Variants in MRNIP observed in about 807,000 individuals in gnomAD.
The protein encoded by MRNIP is MRN complex interacting protein.
A neutral mutation model predicts 29.8 loss-of-function variants in MRNIP; 30 were observed. The observed-to-expected ratio is 1.01, with a 90% CI of 0.75 to 1.36. The LOEUF (loss-of-function observed/expected upper bound fraction) is 1.36, where lower values mean the gene tolerates loss of function less well. Ranked by LOEUF, MRNIP falls within the 40% of genes most tolerant of loss-of-function variation. The pLI, the probability that MRNIP is intolerant of heterozygous loss-of-function variation, is 0.00. For missense variants in MRNIP, 459 were observed against 423.5 expected, an observed-to-expected ratio of 1.08 and a Z score of -0.74; for synonymous variants, 201 against 164.1, an observed-to-expected ratio of 1.23 and a Z score of -1.72.
intron 6 of MRNIP, 30 bp downstream of exon 6, chr5:179,840,842 G>C (rs1561614821): frequency 6.8e-7 from 1 of 1,474,860 alleles, no homozygotes; most frequent in Non-Finnish European, 9.4e-7. Flanking sequence ...AGTGGTCACT[G>C]GGACCAGAGA....
intron 1 of MRNIP, among the ~76,000 whole-genome samples, chr5:179,855,915 T>G (rs1347486319): frequency 4.0e-5 from 6 of 148,556 alleles, no homozygotes; most frequent in Non-Finnish European, 5.9e-5. Flanking sequence ...TTGTTTTTTT[T>G]TTTTTTTTTT....
intron 5 of MRNIP, 171 bp from the exon 6 acceptor site, chr5:179,841,130 A>G (rs1475024944): frequency 1.7e-6 from 1 of 585,212 alleles, no homozygotes; most frequent in East Asian, 2.9e-5. Context: ...CCCCTGCTTC[A>G]CAGCTTCTAG....
Position 179,851,975 on chromosome 5 carries a change from T to TA in MRNIP, c.126+1402dup, listed in dbSNP as rs201376545. On this transcript the variant is annotated intron_variant, in intron 2 of 6. Coordinates refer to ENST00000292586, the MANE Select transcript of MRNIP (RefSeq NM_016175.4). Reference sequence around the variant, plus strand: ...CTGAGTGACAGAGCGAGACTCCGTCTAAAAAAAAATAAAAAAATAAAAAAT... The same window carrying TA: ...CTGAGTGACAGAGCGAGACTCCGTCTAAAAAAAAAATAAAAAAATAAAAAAT... Among the ~76,000 whole-genome samples the TA allele has an allele frequency of 4.0e-5, 6 of 149,592 alleles. No homozygotes were observed. The East Asian group carries it at 7.9e-4, about 20-fold the overall frequency.
chr5:179,853,378 C>T lies in MRNIP; in HGVS notation c.126G>A (p.Gln42=). 6.2e-7 allele frequency: 1 copy of T among 1,613,110 alleles called. No individual in the cohort carries two copies. Among genetic ancestry groups the T allele is most frequent in the South Asian group, 1.1e-5 (1 of 91,082 alleles). ...TTGCTTTCTGTTTTGTAGGACTCACCTGCAAAAAGGACTGCTTCTCTCCAC... is the reference window on the plus strand; with the variant it reads ...TTGCTTTCTGTTTTGTAGGACTCACTTGCAAAAAGGACTGCTTCTCTCCAC... The part of the protein sequence containing the change: ...KACGEKQSFL[Q]AYGEGSGADC... The change falls in exon 2 of 7, where the codon CAG becomes CAA. Residue 42 remains glutamine, a splice_region_variant and synonymous_variant. Coordinates refer to ENST00000292586, the MANE Select transcript of MRNIP (RefSeq NM_016175.4).
chr5:179,849,764 G>A (rs138514155), intron 2 of MRNIP, among the ~76,000 whole-genome samples: 1 of 145,986 alleles, frequency 6.8e-6, no homozygotes, highest in Non-Finnish European at 1.5e-5. Context: ...GAATTTGAGA[G>A]CATGGATCCT....
At chr5:179,858,025 A>G (rs966512202) in intron 1 of MRNIP, among the ~76,000 whole-genome samples, 6 of 143,282 alleles carry the variant, frequency 4.2e-5, no homozygotes, top group Middle Eastern at 3.2e-3. Flanking sequence ...AAAAAAAAAA[A>G]AAGAAGAAGA....
At chr5:179,850,003 G>A (rs149495066) in intron 2 of MRNIP, among the ~76,000 whole-genome samples, 50 of 151,422 alleles carry the variant, frequency 3.3e-4, no homozygotes, top group Non-Finnish European at 6.2e-4. Context: ...GGTACGAGAC[G>A]GAATTTGAGG....
At chr5:179,855,842 T>C (rs764946628) in intron 1 of MRNIP, among the ~76,000 whole-genome samples, 42 of 152,046 alleles carry the variant, frequency 2.8e-4, no homozygotes, top group Non-Finnish European at 4.0e-4. Context: ...ACTTCTCAGC[T>C]TCTACCTTAA....
intron 1 of MRNIP, among the ~76,000 whole-genome samples, chr5:179,856,572 C>T (rs1204735879): frequency 2.0e-5 from 3 of 152,044 alleles, no homozygotes; most frequent in African/African-American, 7.2e-5. Flanking sequence ...TGGACTGAAG[C>T]GATTCTCCTG....
In MRNIP at chr5:179,837,400, A is replaced by C. The variant is rs754632178; in HGVS notation, c.1023T>G (p.Asp341Glu). The change falls in exon 7 of 7, where the codon GAT (aspartate) becomes GAG (glutamate). Residue 341 changes from aspartate to glutamate, a missense_variant. By Grantham distance (45) the Asp-to-Glu change is conservative. Transcript: ENST00000292586. ...DLFITGEDFD[D>E]DV ...ACCTGCCAGTCCCAGATCACACATC[A>C]TCATCGAAGTCTTCCCCAGTTATAA... The C allele has an allele frequency of 6.3e-6, 10 of 1,590,708 alleles. No individual in the cohort carries two copies. Among genetic ancestry groups the C allele is most frequent in the Non-Finnish European group, 8.6e-6 (10 of 1,166,618 alleles).
intron 3 of MRNIP, 160 bp downstream of exon 3, chr5:179,847,818 G>A: frequency 1.6e-6 from 1 of 611,618 alleles, no homozygotes; most frequent in South Asian, 1.9e-5. Context: ...GGTCGGTTCT[G>A]AGGGCAGCTG....
chr5:179,852,431 A>C lies in MRNIP; in HGVS notation c.126+947T>G, dbSNP rs537703495. On this transcript the variant is annotated intron_variant, in intron 2 of 6. Transcript: ENST00000292586. ...TGCATAACAGTCAAAAGGGAAATCA[A>C]CCTAAATGCCCAACAAGGTTGGGCC... 1.8e-4 allele frequency among the ~76,000 whole-genome samples: 28 copies of C among 152,276 alleles called. No homozygotes were observed. The South Asian group carries it at 5.6e-3, about 30-fold the overall frequency.
At chr5:179,844,384 T>C in intron 3 of MRNIP, 157 bp from the exon 4 acceptor site, 1 of 581,576 alleles carries the variant, frequency 1.7e-6, no homozygotes, top group South Asian at 2.0e-5. Flanking sequence ...GGTGCATACC[T>C]ATATTCCCAG....
chr5:179,854,453 CG>C (rs1360296197), intron 1 of MRNIP, among the ~76,000 whole-genome samples: 1 of 152,094 alleles, frequency 6.6e-6, no homozygotes, highest in Non-Finnish European at 1.5e-5. Context: ...TTAACAAGTC[CG>C]GGTTGGTGCT....
chr5:179,842,716 A>G (rs1303401795), intron 4 of MRNIP, among the ~76,000 whole-genome samples: 2 of 143,178 alleles, frequency 1.4e-5, no homozygotes, highest in Admixed American at 7.0e-5. Context: ...AAAAAAAAAA[A>G]AAAAAAAAAA....
chr5:179,838,258 G>A (rs1758704995), intron 6 of MRNIP: 2 of 280,930 alleles, frequency 7.1e-6, no homozygotes, highest in Non-Finnish European at 1.4e-5. Context: ...CCTCCCACCG[G>A]GGGGCAGCTC....
chr5:179,841,689 G>A (rs936938342), intron 5 of MRNIP: 7 of 598,156 alleles, frequency 1.2e-5, no homozygotes, highest in South Asian at 3.9e-5. Context: ...GTGTGCACAC[G>A]GGTGTCCTGC....
chr5:179,855,030 C>T (rs931592891), intron 1 of MRNIP, among the ~76,000 whole-genome samples: 6 of 152,206 alleles, frequency 3.9e-5, no homozygotes, highest in East Asian at 1.9e-4. Flanking sequence ...TATAAAGGAG[C>T]GGAAAACCCT....
chr5:179,853,775 A>AAAC (rs1554094107), intron 1 of MRNIP, among the ~76,000 whole-genome samples: 65 of 152,032 alleles, frequency 4.3e-4, no homozygotes, highest in East Asian at 1.2e-3. Context: ...CCATCTCAAA[A>AAAC]AAACAAACAA....
Sources: allele counts gnomAD v4.1 joint callset (sites outside exome capture counted in the v4.1 genomes callset), GRCh38; gene constraint gnomAD v4.1.1; transcripts MANE v1.5; gene names NCBI Gene and HGNC (gene_info 2026-07-23, HGNC 2026-07-21).